The following PRKCQ variants were observed in gnomAD, a reference collection of about 807,000 sequenced individuals.
PRKCQ encodes protein kinase C theta.
In PRKCQ, 41 loss-of-function variants were observed where a neutral mutation model predicts 91.2. The ratio of observed to expected loss-of-function variants is 0.45; its 90% CI spans 0.35 to 0.58. The LOEUF (loss-of-function observed/expected upper bound fraction) is 0.58, where lower values mean the gene tolerates loss of function less well. Ranked by LOEUF, PRKCQ falls within the 20% of genes least tolerant of loss-of-function variation. PRKCQ has a pLI of 0.00. For synonymous variants in PRKCQ, 307 were observed against 316.9 expected, an observed-to-expected ratio of 0.97 and a Z score of 0.33; for missense variants, 673 against 896.5, an observed-to-expected ratio of 0.75 and a Z score of 3.18.
At chr10:6,469,329 G>A (rs972570373) in intron 12 of PRKCQ, among the ~76,000 whole-genome samples, 3 of 151,980 alleles carry the variant, frequency 2.0e-5, no homozygotes, top group Admixed American at 1.3e-4. Flanking sequence ...TGGCCATATC[G>A]GGAAAGTCTC....
chr10:6,401,474 C>T, the PRKCQ span, among the ~76,000 whole-genome samples: 1 of 151,954 alleles, frequency 6.6e-6, no homozygotes, highest in Admixed American at 6.6e-5. Flanking sequence ...ATTGGATTGA[C>T]ATCCATATAG....
intron 4 of PRKCQ, among the ~76,000 whole-genome samples, chr10:6,504,848 G>A (rs1174411159): frequency 6.6e-6 from 1 of 151,436 alleles, no homozygotes; most frequent in African/African-American, 2.4e-5. Flanking sequence ...GAGATGGAGT[G>A]TCAATTTGGA....
At chr10:6,400,908 C>G in the PRKCQ span, among the ~76,000 whole-genome samples, 2 of 152,160 alleles carry the variant, frequency 1.3e-5, no homozygotes, top group South Asian at 4.1e-4. Context: ...ATGCTAAGAA[C>G]AACGACCATA....
At chr10:6,503,104 T>C (rs976595062) in intron 4 of PRKCQ, among the ~76,000 whole-genome samples, 1 of 152,156 alleles carries the variant, frequency 6.6e-6, no homozygotes, top group Admixed American at 6.5e-5. Context: ...AAAGGGGAAC[T>C]AATGAGAGCA....
intron 14 of PRKCQ, 82 bp from the exon 15 acceptor site, chr10:6,456,894 T>C: frequency 6.8e-7 from 1 of 1,465,038 alleles, no homozygotes; most frequent in East Asian, 2.3e-5. Flanking sequence ...CGAGGGAGTT[T>C]GTCTCATTGC....
At chr10:6,444,724 ACG>A (rs1038022201) in intron 15 of PRKCQ, among the ~76,000 whole-genome samples, 3 of 134,784 alleles carry the variant, frequency 2.2e-5, no homozygotes, top group African/African-American at 8.2e-5. Context: ...ACACACACAC[ACG>A]CACGCAGAAG....
intron 12 of PRKCQ, among the ~76,000 whole-genome samples, chr10:6,467,347 G>GAC (rs1835720946): frequency 7.6e-6 from 1 of 132,448 alleles, no homozygotes; most frequent in Non-Finnish European, 1.7e-5. Flanking sequence ...GAGAGAGAGA[G>GAC]AGAGAGAGAC....
chr10:6,549,721 C>A lies in PRKCQ; in HGVS notation c.-10+30490G>T, dbSNP rs1418726241. 1.3e-5 allele frequency among the ~76,000 whole-genome samples: 2 copies of A among 150,666 alleles called. 1 individual carries two copies. Among genetic ancestry groups the A allele is most frequent in the South Asian group, 4.2e-4 (2 of 4,772 alleles). On this transcript the variant is annotated intron_variant, in intron 1 of 17. Transcript: ENST00000263125. The stretch of plus-strand genomic sequence containing the variant: ...TCTTGGCTCACTGCAATCTCCACCT[C>A]CCAGGCTCAAGAAATTCTCCCGCCT...
At chr10:6,564,424 G>A (rs1191142989) in intron 1 of PRKCQ, among the ~76,000 whole-genome samples, 1 of 152,066 alleles carries the variant, frequency 6.6e-6, no homozygotes, top group Non-Finnish European at 1.5e-5. Context: ...CCACTGTACT[G>A]CTCGCCCAGA....
chr10:6,445,121 C>CTCA (rs779476076), intron 15 of PRKCQ, among the ~76,000 whole-genome samples: 16,634 of 104,980 alleles, frequency 0.16, 2,016 homozygotes, highest in Non-Finnish European at 0.18. Flanking sequence ...AAGACTCTGT[C>CTCA]AAAAAAAAAA....
At chr10:6,484,029 C>T (rs1836766584) in intron 10 of PRKCQ, among the ~76,000 whole-genome samples, 1 of 152,208 alleles carries the variant, frequency 6.6e-6, no homozygotes, top group East Asian at 1.9e-4. Flanking sequence ...TCAATTTCTA[C>T]AATTTACAGC....
chr10:6,507,323 C>T, intron 4 of PRKCQ, 113 bp downstream of exon 4: 2 of 1,068,134 alleles, frequency 1.9e-6, no homozygotes, highest in Non-Finnish European at 1.4e-6. Context: ...AATTTTGTGC[C>T]TCTCTTTTCT....
chr10:6,471,152 C>T (rs1438934835), intron 12 of PRKCQ, among the ~76,000 whole-genome samples: 1 of 152,148 alleles, frequency 6.6e-6, no homozygotes, highest in African/African-American at 2.4e-5. Context: ...TTCTTTTTCT[C>T]TTCCGCTCCC....
intron 12 of PRKCQ, among the ~76,000 whole-genome samples, chr10:6,469,198 A>G (rs893400566): frequency 6.6e-6 from 1 of 152,242 alleles, no homozygotes. Flanking sequence ...AAGCTCACCA[A>G]CAATTCAATT....
At chr10:6,493,911 G>A (rs1053712803) in intron 7 of PRKCQ, among the ~76,000 whole-genome samples, 6 of 152,106 alleles carry the variant, frequency 3.9e-5, no homozygotes, top group South Asian at 2.1e-4. Context: ...CAGCCACTTC[G>A]CCTTCTCTGA....
At chr10:6,411,150 A>G in the PRKCQ span, among the ~76,000 whole-genome samples, 13 of 152,194 alleles carry the variant, frequency 8.5e-5, no homozygotes, top group African/African-American at 2.9e-4. Flanking sequence ...AGGAGTCTAC[A>G]TAGTTCATAG....
At chr10:6,411,358 C>T in the PRKCQ span, among the ~76,000 whole-genome samples, 1 of 152,298 alleles carries the variant, frequency 6.6e-6, no homozygotes, top group Admixed American at 6.5e-5. Context: ...TTTCCTCATG[C>T]CCCTTGGGAA....
intron 4 of PRKCQ, among the ~76,000 whole-genome samples, chr10:6,505,692 C>T (rs779210364): frequency 6.6e-6 from 1 of 151,622 alleles, no homozygotes; most frequent in Non-Finnish European, 1.5e-5. Context: ...ATCATCCACA[C>T]TGCAGTGCAC....
chr10:6,456,805 T>C lies in PRKCQ; in HGVS notation c.1516A>G (p.Lys506Glu). Residue 506 changes from lysine (K) to glutamate (E), a missense_variant, in exon 15 of 18, where the codon AAG becomes GAG. Coordinates refer to ENST00000263125, the MANE Select transcript of PRKCQ (RefSeq NM_006257.5). ...TTGTCTAACAGGATGTTATCTAGCT[T>C]CAGGTCCCTGAAAAACAAAAGTGAA... is the stretch of plus-strand genomic sequence containing the variant. ...HSKGIVYRDL[K>E]LDNILLDKDG... 6.2e-7 allele frequency: 1 copy of C among 1,613,776 alleles called. No individual in the cohort carries two copies. Among genetic ancestry groups the C allele is most frequent in the Non-Finnish European group, 8.5e-7 (1 of 1,179,876 alleles).
Sources: gnomAD v4.1 joint callset for allele counts (sites outside exome capture counted in the v4.1 genomes callset) on GRCh38, gnomAD v4.1.1 for gene constraint, MANE v1.5 for transcripts, NCBI Gene and HGNC (gene_info 2026-07-23, HGNC 2026-07-21) for gene names.